STMND1: variants seen among roughly 807,000 people sequenced by gnomAD.
STMND1 encodes stathmin domain-containing protein 1.
Under a neutral mutation model 23.0 loss-of-function variants are expected in STMND1, and 17 were observed. That is an observed-to-expected ratio of 0.74 (90% CI 0.51 to 1.11). STMND1 has a LOEUF of 1.11. Ranked by LOEUF, STMND1 falls within the 50% of genes least tolerant of loss-of-function variation. The pLI is 0.00. For synonymous variants in STMND1, 114 were observed against 119.9 expected (o/e 0.95, Z 0.32); for missense variants, 305 against 329.1 (o/e 0.93, Z 0.57).
chr6:17,105,006 CT>C (rs138533029), intron 1 of STMND1, among the ~76,000 whole-genome samples: 4 of 151,936 alleles, frequency 2.6e-5, no homozygotes, highest in South Asian at 2.1e-4. Context: ...CATGTATAGA[CT>C]TTTTTTTGTT....
intron 1 of STMND1, 28 bp from the exon 2 acceptor site, chr6:17,114,934 C>T (rs1761137551): frequency 6.7e-7 from 1 of 1,488,544 alleles, no homozygotes; most frequent in Non-Finnish European, 8.9e-7. Flanking sequence ...GAAATCTTGA[C>T]TCTAACAAAA....
chr6:17,102,362 A>G (rs1760953235), intron 1 of STMND1, 24 bp downstream of exon 1: 1 of 1,534,312 alleles, frequency 6.5e-7, no homozygotes, highest in African/African-American at 1.4e-5. Context: ...AAACAAACAA[A>G]CAAACAAACA....
chr6:17,130,822 A>C lies in STMND1; in HGVS notation c.772A>C (p.Ser258Arg), dbSNP rs1407927346. The stretch of plus-strand genomic sequence containing the variant: ...GATTGATAGAAACGAAAGTGATGAA[A>C]GTTTTGGGGTCGTGGAGTCAGACAT... ...TLIDRNESDE[S>R]FGVVESDMSY... The change falls in exon 5 of 5, where the codon AGT (serine) becomes CGT (arginine). Residue 258 changes from serine to arginine, a missense_variant. By Grantham distance (110) the Ser-to-Arg change is moderately radical (BLOSUM62 -1). Transcript: ENST00000536551. The C allele has an allele frequency of 6.5e-7, 1 of 1,535,866 alleles. No individual in the cohort carries two copies. The highest frequency in any genetic ancestry group is 2.0e-5 in the Admixed American group (1 of 50,976).
chr6:17,126,747 T>C (rs1761312110), intron 3 of STMND1, among the ~76,000 whole-genome samples: 1 of 152,182 alleles, frequency 6.6e-6, no homozygotes, highest in Non-Finnish European at 1.5e-5. Flanking sequence ...TTCCACGGTT[T>C]TCAAGCAGTG....
intron 1 of STMND1, among the ~76,000 whole-genome samples, chr6:17,103,919 T>C (rs1476339116): frequency 6.6e-6 from 1 of 152,212 alleles, no homozygotes; most frequent in African/African-American, 2.4e-5. Flanking sequence ...GACAGGATCC[T>C]AACAAGTTTC....
intron 3 of STMND1, among the ~76,000 whole-genome samples, chr6:17,127,787 T>C (rs1761328345): frequency 6.6e-6 from 1 of 152,202 alleles, no homozygotes; most frequent in Non-Finnish European, 1.5e-5. Context: ...TCTGGAACAA[T>C]ATTCAGTTCA....
rs1411176865 is a variant in STMND1, at chr6:17,102,384, T to G, written c.81+46T>G. 2.0e-6 allele frequency: 3 copies of G among 1,531,492 alleles called. No homozygotes were observed. In the East Asian group the frequency reaches 7.4e-5, roughly 38 times the overall value. 94.9% of individuals were successfully genotyped at this position (1,531,492 alleles called of 1,614,324 possible). On this transcript the variant is annotated intron_variant, in intron 1 of 4. Coordinates refer to ENST00000536551, the MANE Select transcript of STMND1 (RefSeq NM_001190766.2). ...CAAACAAACAAACAGACAGAAAGCCTTTTGCCTGGGAGGTCTCGCGATTCC... is the reference window on the plus strand; with the variant it reads ...CAAACAAACAAACAGACAGAAAGCCGTTTGCCTGGGAGGTCTCGCGATTCC...
Position 17,130,990 on chromosome 6 carries a change from C to T in STMND1, c.*109C>T, listed in dbSNP as rs1298453273. 1 of 1,098,178 alleles carries T rather than the reference C, an allele frequency of 9.1e-7. No homozygotes were observed. Among genetic ancestry groups the T allele is most frequent in the East Asian group, 2.6e-5 (1 of 38,362 alleles). The allele number at this position is 1,098,178 out of a possible 1,614,324, so 68.0% of individuals were successfully genotyped here. On this transcript the variant is annotated 3_prime_UTR_variant, in exon 5 of 5. Coordinates refer to ENST00000536551, the MANE Select transcript of STMND1 (RefSeq NM_001190766.2). ...TGACCTCATTCCACTGGGATTTCTG[C>T]CTTGGGCTTAAGGATGATTGTGTGG...
chr6:17,114,902 C>A (rs1761137340), intron 1 of STMND1, 60 bp from the exon 2 acceptor site: 6 of 1,446,184 alleles, frequency 4.1e-6, no homozygotes, highest in Non-Finnish European at 5.5e-6. Flanking sequence ...GCAGACCCTG[C>A]AACATTGTTT....
chr6:17,127,626 G>A (rs886758031), intron 3 of STMND1, among the ~76,000 whole-genome samples: 4 of 152,116 alleles, frequency 2.6e-5, no homozygotes, highest in Non-Finnish European at 5.9e-5. Flanking sequence ...CTAAGTCTCC[G>A]TCTGGTGCCT....
At chr6:17,103,486 C>G (rs921332046) in intron 1 of STMND1, among the ~76,000 whole-genome samples, 1 of 151,994 alleles carries the variant, frequency 6.6e-6, no homozygotes, top group Admixed American at 6.6e-5. Flanking sequence ...GAAGCCTGTG[C>G]CCAAATGGCC....
intron 3 of STMND1, among the ~76,000 whole-genome samples, chr6:17,123,923 GA>G (rs1186081915): frequency 1.3e-5 from 2 of 152,116 alleles, no homozygotes; most frequent in African/African-American, 4.8e-5. Context: ...GAAGAGTTAT[GA>G]GGCCAATGTA....
At chr6:17,129,030 A>G in intron 3 of STMND1, 82 bp from the exon 4 acceptor site, 1 of 1,392,278 alleles carries the variant, frequency 7.2e-7, no homozygotes, top group South Asian at 1.4e-5. Context: ...TACATTTTAA[A>G]CTGTTTATTC....
chr6:17,125,318 CGATATGTATATG>C (rs1352318883), intron 3 of STMND1, among the ~76,000 whole-genome samples: 1 of 152,078 alleles, frequency 6.6e-6, no homozygotes, highest in Non-Finnish European at 1.5e-5. Context: ...GTACACATGT[CGATATGTATATG>C]GATAGGTATA....
Position 17,102,245 on chromosome 6 carries a change from GC to G in STMND1, c.-12del. On this transcript the variant is annotated 5_prime_UTR_variant, in exon 1 of 5. Coordinates refer to ENST00000536551, the MANE Select transcript of STMND1 (RefSeq NM_001190766.2). The stretch of plus-strand genomic sequence containing the variant: ...GCAGCCAAGCCCGCGGAGGAGGAGC[GC>G]GCGCGCGCAGCATGGGCTGTGGACC... The G allele has an allele frequency of 6.6e-7, 1 of 1,523,568 alleles. No homozygotes were observed. The highest frequency in any genetic ancestry group is 8.8e-7 in the Non-Finnish European group (1 of 1,141,750). 94.4% of individuals were successfully genotyped at this position (1,523,568 alleles called of 1,614,324 possible).
intron 3 of STMND1, among the ~76,000 whole-genome samples, chr6:17,122,823 A>T (rs551973109): frequency 2.0e-5 from 3 of 152,180 alleles, no homozygotes; most frequent in African/African-American, 7.2e-5. Context: ...CGCTAGCATG[A>T]TACAAGGCAT....
At chr6:17,126,034 T>TTTTTTTTA (rs1348334184) in intron 3 of STMND1, among the ~76,000 whole-genome samples, 1 of 41,984 alleles carries the variant, frequency 2.4e-5, no homozygotes, top group African/African-American at 1.3e-4. Context: ...GATCATTGTT[T>TTTTTTTTA]TATATATATA....
chr6:17,111,197 T>C (rs1761092837), intron 1 of STMND1, among the ~76,000 whole-genome samples: 2 of 152,210 alleles, frequency 1.3e-5, no homozygotes, highest in South Asian at 4.1e-4. Flanking sequence ...AGGCCATTTT[T>C]ATGCTTTGTT....
intron 3 of STMND1, among the ~76,000 whole-genome samples, chr6:17,121,344 CG>C (rs1351434175): frequency 6.6e-6 from 1 of 152,144 alleles, no homozygotes; most frequent in Non-Finnish European, 1.5e-5. Context: ...CAGTAAAACA[CG>C]TATTGGGTTT....
Sources: allele counts gnomAD v4.1 joint callset (sites outside exome capture counted in the v4.1 genomes callset), GRCh38; gene constraint gnomAD v4.1.1; transcripts MANE v1.5; gene names NCBI Gene and HGNC (gene_info 2026-07-23, HGNC 2026-07-21).